Variants in TOMM40 observed in about 807,000 individuals in gnomAD.
TOMM40 encodes translocase of outer mitochondrial membrane 40.
In TOMM40, 9 loss-of-function variants were observed where a neutral mutation model predicts 38.4. The ratio of observed to expected loss-of-function variants is 0.23; its 90% CI spans 0.14 to 0.41. The LOEUF is 0.41. TOMM40 is among the 10% of genes least tolerant of loss of function. TOMM40 has a pLI of 1.00. For synonymous variants in TOMM40, 184 were observed against 210.0 expected (o/e 0.88, Z 1.07); for missense variants, 299 against 486.5 (o/e 0.61, Z 3.63).
intron 2 of TOMM40, 122 bp from the exon 3 acceptor site, chr19:44,892,715 C>A: frequency 2.3e-6 from 2 of 862,106 alleles, no homozygotes. Flanking sequence ...TTCTCTGAGT[C>A]TCTTAGTCAG....
chr19:44,893,669 G>A (rs2122744934), intron 3 of TOMM40, 111 bp from the exon 4 acceptor site: 1 of 855,866 alleles, frequency 1.2e-6, no homozygotes, highest in Non-Finnish European at 1.8e-6. Context: ...ACTTCGTGGA[G>A]GAGGGGACCC....
In TOMM40 at chr19:44,901,025, C is replaced by T. The variant is rs776521069; in HGVS notation, c.767-3C>T. Reference sequence around the variant, plus strand: ...ACCCCGCCTCCACCCCACTCTCTGACAGTGAACAACTGGTTGGCAACGGTA... The same window carrying T: ...ACCCCGCCTCCACCCCACTCTCTGATAGTGAACAACTGGTTGGCAACGGTA... On this transcript the variant is annotated splice_region_variant and splice_polypyrimidine_tract_variant and intron_variant, in intron 6 of 8. Coordinates refer to ENST00000426677, the MANE Select transcript of TOMM40 (RefSeq NM_001128917.2). The T allele has an allele frequency of 4.3e-6, 7 of 1,614,170 alleles. No homozygotes were observed. The highest frequency in any genetic ancestry group is 5.9e-6 in the Non-Finnish European group (7 of 1,180,038).
chr19:44,893,501 C>T (rs1393823817), intron 3 of TOMM40, among the ~76,000 whole-genome samples: 1 of 152,208 alleles, frequency 6.6e-6, no homozygotes, highest in Non-Finnish European at 1.5e-5. Context: ...CATTCTGTGC[C>T]CAGCCCTGTG....
At position 44,901,332 on chromosome 19, in the gene TOMM40, C is replaced by A. The variant is rs201261018; in HGVS notation, c.946+22C>A. The A allele has an allele frequency of 2.2e-5, 36 of 1,607,050 alleles. No individual in the cohort carries two copies. The Admixed American group carries it at 5.9e-4, about 27-fold the overall frequency. ...AAAGGTAAAGGTCTCGGTTCCCCTACGCGGGAAACAGGCAGGAGGTGACTC... is the reference window on the plus strand; with the variant it reads ...AAAGGTAAAGGTCTCGGTTCCCCTAAGCGGGAAACAGGCAGGAGGTGACTC... On this transcript the variant is annotated intron_variant, in intron 8 of 8. Transcript: ENST00000426677.
At chr19:44,899,791 C>CTTTTTTTTTTTTTTTTTTTT (rs10524523) in intron 5 of TOMM40, among the ~76,000 whole-genome samples, 3 of 90,992 alleles carry the variant, frequency 3.3e-5, no homozygotes, top group Admixed American at 1.5e-4. Flanking sequence ...TTGCATCTGG[C>CTTTTTTTTTTTTTTTTTTTT]TTTTTTTTTT....
chr19:44,901,606 T>C (rs1159674767), intron 8 of TOMM40: 2 of 630,162 alleles, frequency 3.2e-6, no homozygotes, highest in Non-Finnish European at 5.1e-6. Context: ...CGGGTGTGGT[T>C]GCGGGTGCCT....
Position 44,901,119 on chromosome 19 carries a change from G to A in TOMM40, c.843+15G>A. On this transcript the variant is annotated intron_variant, in intron 7 of 8. Coordinates refer to ENST00000426677, the MANE Select transcript of TOMM40 (RefSeq NM_001128917.2). ...CCAGTGACCAGGTGAGTGGGTGCAG[G>A]GACTAGCTGGTGCTGCCAGGGGCTG... 6.2e-7 allele frequency: 1 copy of A among 1,614,202 alleles called. No homozygotes were observed. The highest frequency in any genetic ancestry group is 1.1e-5 in the South Asian group (1 of 91,080).
intron 5 of TOMM40, among the ~76,000 whole-genome samples, chr19:44,899,091 C>T (rs1969627420): frequency 6.7e-6 from 1 of 148,638 alleles, no homozygotes. Flanking sequence ...CGAGATAGTG[C>T]CACTGCACTC....
At chr19:44,902,071 CAG>C (rs1156786047) in intron 8 of TOMM40, 1 of 152,056 alleles carries the variant, frequency 6.6e-6, no homozygotes, top group Non-Finnish European at 1.5e-5. Flanking sequence ...GCCTGGGTGA[CAG>C]AGTGAGACTC....
intron 8 of TOMM40, chr19:44,901,981 T>C (rs1356733373): frequency 6.6e-6 from 1 of 152,138 alleles, no homozygotes; most frequent in East Asian, 1.9e-4. Context: ...TCCCCGCTAC[T>C]TAGGAGGCTG....
Position 44,903,493 on chromosome 19 carries a change from T to G in TOMM40, c.*324T>G, listed in dbSNP as rs1197478975. On this transcript the variant is annotated 3_prime_UTR_variant, in exon 9 of 9. Transcript: ENST00000426677. ...AACCTCAGGGAGGAGTGTCCTGGCG[T>G]CCCCATCCTCCAAAGGGCCTGGGCC... 1 of 266,364 alleles carries G rather than the reference T, an allele frequency of 3.8e-6. No homozygotes were observed. Among genetic ancestry groups the G allele is most frequent in the African/African-American group, 2.3e-5 (1 of 43,728 alleles). The allele number at this position is 266,364 out of a possible 1,614,324, so 16.5% of individuals were successfully genotyped here. A position where few individuals can be genotyped will look rare whatever the true frequency, so the allele number is the denominator to read the frequency against.
At chr19:44,897,706 A>G (rs1358435385) in intron 5 of TOMM40, among the ~76,000 whole-genome samples, 1 of 151,190 alleles carries the variant, frequency 6.6e-6, no homozygotes, top group Admixed American at 6.6e-5. Context: ...CCCGGGAGGC[A>G]GAGGTTGCAG....
chr19:44,893,361 T>C (rs1392080137), intron 3 of TOMM40, among the ~76,000 whole-genome samples: 2 of 152,252 alleles, frequency 1.3e-5, no homozygotes, highest in Middle Eastern at 3.4e-3. Flanking sequence ...GGGGTGGCCA[T>C]GTGGGGGCTA....
intron 2 of TOMM40, 143 bp from the exon 3 acceptor site, chr19:44,892,694 C>T (rs1270539783): frequency 1.4e-5 from 11 of 787,630 alleles, no homozygotes; most frequent in Non-Finnish European, 2.4e-5. Context: ...GGCCTACCGG[C>T]AGCACCTCCT....
At chr19:44,893,586 C>G (rs897870608) in intron 3 of TOMM40, among the ~76,000 whole-genome samples, 194 bp from the exon 4 acceptor site, 2 of 152,208 alleles carry the variant, frequency 1.3e-5, no homozygotes, top group African/African-American at 4.8e-5. Flanking sequence ...GAGTAACAAG[C>G]CAGGATGGGC....
intron 1 of TOMM40, 89 bp from the exon 2 acceptor site, chr19:44,892,304 C>T: frequency 7.9e-7 from 1 of 1,272,606 alleles, no homozygotes; most frequent in Non-Finnish European, 1.1e-6. Context: ...TGCTGTGGGT[C>T]TCTGGAGAGA....
In TOMM40 at chr19:44,893,791, A is replaced by G. The variant is rs943484933; in HGVS notation, c.447A>G (p.Val149=). The change falls in exon 4 of 9, where the codon GTA becomes GTG. Residue 149 remains valine (V), a synonymous_variant. Transcript: ENST00000426677. The part of the protein sequence containing the change: ...KQLSPTEAFP[V]LVGDMDNSGS... ...TCTCTGCCTCACAGGCGTTCCCTGT[A>G]CTGGTGGGTGACATGGACAACAGTG... The G allele has an allele frequency of 1.9e-6, 3 of 1,611,970 alleles. No individual in the cohort carries two copies. The Admixed American group carries it at 5.0e-5, about 27-fold the overall frequency.
At chr19:44,896,891 CA>C (rs575497105) in intron 5 of TOMM40, among the ~76,000 whole-genome samples, 2 of 152,042 alleles carry the variant, frequency 1.3e-5, no homozygotes, top group South Asian at 2.1e-4. Flanking sequence ...CCTGTCTCTA[CA>C]AAAAAAATTA....
chr19:44,898,507 GTTTCTTTTTTTTTT>G (rs926651083), intron 5 of TOMM40, among the ~76,000 whole-genome samples: 3 of 98,478 alleles, frequency 3.0e-5, no homozygotes, highest in East Asian at 2.6e-4. Context: ...CAGATGTGTT[GTTTCTTTTTTTTTT>G]TTTCTTTTTT....
Sources: gnomAD v4.1 joint callset for allele counts (sites outside exome capture counted in the v4.1 genomes callset) on GRCh38, gnomAD v4.1.1 for gene constraint, MANE v1.5 for transcripts, NCBI Gene and HGNC (gene_info 2026-07-23, HGNC 2026-07-21) for gene names.